The following DNAJC8 variants were observed in gnomAD, a reference collection of about 807,000 sequenced individuals.
DNAJC8 encodes dnaJ homolog subfamily C member 8.
In DNAJC8, 24 loss-of-function variants were observed where a neutral mutation model predicts 43.2. The ratio of observed to expected loss-of-function variants is 0.56; its 90% CI spans 0.40 to 0.78. The LOEUF (loss-of-function observed/expected upper bound fraction) is 0.78. Ranked by LOEUF, DNAJC8 falls within the 30% of genes least tolerant of loss-of-function variation. DNAJC8 has a pLI of 0.00. For missense variants in DNAJC8, 207 were observed against 299.4 expected (o/e 0.69, Z 2.28); for synonymous variants, 83 against 98.0 (o/e 0.85, Z 0.90).
Position 28,228,971 on chromosome 1 carries a change from T to C in DNAJC8, c.131A>G (p.Glu44Gly). The C allele has an allele frequency of 6.2e-7, 1 of 1,613,822 alleles. No homozygotes were observed. The highest frequency in any genetic ancestry group is 8.5e-7 in the Non-Finnish European group (1 of 1,179,984). The change falls in exon 2 of 9, where the codon GAA (glutamate) becomes GGA (glycine). Residue 44 changes from glutamate (E) to glycine (G), a missense_variant. This residue lies in a region of DNAJC8 where 159 missense variants were observed against 267.5 expected (regional missense o/e 0.59). Transcript: ENST00000263697. ...AGAGGAACCAGGACGGGTCAGTCTT[T>C]CAATCTGATTTTTCGAAGTTAGAAC... The part of the protein sequence containing the change: ...DSVLTSKNQI[E>G]RLTRPGSSYF...
At chr1:28,218,061 G>C (rs891031791) in intron 2 of DNAJC8, among the ~76,000 whole-genome samples, 3 of 151,398 alleles carry the variant, frequency 2.0e-5, no homozygotes, top group African/African-American at 7.3e-5. Flanking sequence ...TTTTATTAGA[G>C]GCTTTTTTCA....
chr1:28,200,756 G>T lies in DNAJC8; in HGVS notation c.*492C>A, dbSNP rs916802650. Reference sequence around the variant, plus strand: ...CAGGGCATCAGATGCTGCTCTGTGTGCTCACAAGTGTTCCCTGTCTTATCT... The same window carrying T: ...CAGGGCATCAGATGCTGCTCTGTGTTCTCACAAGTGTTCCCTGTCTTATCT... On this transcript the variant is annotated 3_prime_UTR_variant, in exon 9 of 9. Transcript: ENST00000263697. 2 of 443,082 alleles carry T rather than the reference G, an allele frequency of 4.5e-6. No individual in the cohort carries two copies. Among genetic ancestry groups the T allele is most frequent in the Non-Finnish European group, 9.0e-6 (2 of 221,408 alleles). 27.4% of individuals were successfully genotyped at this position (443,082 alleles called of 1,614,324 possible). A position where few individuals can be genotyped will look rare whatever the true frequency, so the allele number is the denominator to read the frequency against.
chr1:28,216,849 C>G (rs2149019397), intron 2 of DNAJC8, among the ~76,000 whole-genome samples: 1 of 145,006 alleles, frequency 6.9e-6, no homozygotes, highest in Non-Finnish European at 1.5e-5. Context: ...GCTCTTGTTG[C>G]CCAGGCTGGA....
intron 1 of DNAJC8, among the ~76,000 whole-genome samples, chr1:28,231,660 G>C (rs751145800): frequency 1.3e-5 from 2 of 151,886 alleles, no homozygotes; most frequent in African/African-American, 2.4e-5. Flanking sequence ...GGTTGCAGTG[G>C]GCCAAGATCG....
At chr1:28,225,800 T>G (rs970574825) in intron 2 of DNAJC8, among the ~76,000 whole-genome samples, 2 of 149,702 alleles carry the variant, frequency 1.3e-5, no homozygotes, top group Non-Finnish European at 3.0e-5. Flanking sequence ...CCTCCTGGGT[T>G]TAAGTGATTC....
intron 1 of DNAJC8, among the ~76,000 whole-genome samples, chr1:28,231,873 T>C (rs749417557): frequency 3.3e-5 from 5 of 151,510 alleles, no homozygotes; most frequent in Non-Finnish European, 5.9e-5. Flanking sequence ...GTTCACGCCA[T>C]TCTCCTGCCT....
At chr1:28,226,390 C>T (rs1234757239) in intron 2 of DNAJC8, among the ~76,000 whole-genome samples, 1 of 151,156 alleles carries the variant, frequency 6.6e-6, no homozygotes, top group Non-Finnish European at 1.5e-5. Flanking sequence ...GTAGTCCCAG[C>T]TACTCGGGAG....
rs771688424 is a variant in DNAJC8, at chr1:28,200,972, A to C, written c.*276T>G. 7 of 455,808 alleles carry C rather than the reference A, an allele frequency of 1.5e-5. No homozygotes were observed. The highest frequency in any genetic ancestry group is 2.8e-5 in the Non-Finnish European group (7 of 247,884). The allele number at this position is 455,808 out of a possible 1,614,324, so 28.2% of individuals were successfully genotyped here. ...TCAGTGAAGTACAAAACACTGAGTTACAGGCTGTGGGAAGAGAAGGCAGCA... is the reference window on the plus strand; with the variant it reads ...TCAGTGAAGTACAAAACACTGAGTTCCAGGCTGTGGGAAGAGAAGGCAGCA... On this transcript the variant is annotated 3_prime_UTR_variant, in exon 9 of 9. Transcript: ENST00000263697.
At chr1:28,229,238 T>A (rs1030442843) in intron 1 of DNAJC8, among the ~76,000 whole-genome samples, 2 of 152,198 alleles carry the variant, frequency 1.3e-5, no homozygotes, top group Non-Finnish European at 2.9e-5. Context: ...CAACCCTATG[T>A]GGTAGATACT....
chr1:28,232,906 T>C lies in DNAJC8; in HGVS notation c.78+15A>G. 2 of 1,612,286 alleles carry C rather than the reference T, an allele frequency of 1.2e-6. No homozygotes were observed. Among genetic ancestry groups the C allele is most frequent in the Non-Finnish European group, 1.7e-6 (2 of 1,179,864 alleles). ...GCGGTCGCCCCGGTGCCACTACTCC[T>C]CACTCTGTGTTCACCTCACTGTAGA... is the stretch of plus-strand genomic sequence containing the variant. On this transcript the variant is annotated intron_variant, in intron 1 of 8. Coordinates refer to ENST00000263697, the MANE Select transcript of DNAJC8 (RefSeq NM_014280.3).
chr1:28,222,262 G>C (rs2149022205), intron 2 of DNAJC8, among the ~76,000 whole-genome samples: 1 of 152,086 alleles, frequency 6.6e-6, no homozygotes, highest in East Asian at 1.9e-4. Flanking sequence ...GAGGCGGGTG[G>C]ATCACCTGAG....
intron 2 of DNAJC8, among the ~76,000 whole-genome samples, chr1:28,218,283 C>T (rs572032207): frequency 5.3e-5 from 8 of 151,774 alleles, no homozygotes; most frequent in East Asian, 3.9e-4. Flanking sequence ...TTAGTAGAGA[C>T]GGGGTTTCTC....
chr1:28,232,971 A>T lies in DNAJC8; in HGVS notation c.28T>A (p.Ser10Thr). ...TCCTCGGTGCTGCCTCCGCCGCCTG[A>T]AGTCCCGCTCTCTCCTGAAGCCGCC... MAASGESGT[S>T]GGGGSTEEAF... Residue 10 changes from serine to threonine, a missense_variant, in exon 1 of 9, where the codon TCA (serine) becomes ACA (threonine). Transcript: ENST00000263697. The T allele has an allele frequency of 6.2e-7, 1 of 1,612,956 alleles. No individual in the cohort carries two copies. The highest frequency in any genetic ancestry group is 1.1e-5 in the South Asian group (1 of 91,076).
rs1646991471 is a variant in DNAJC8 at position 28,232,970 on chromosome 1, G to A, written c.29C>T (p.Ser10Leu). The A allele has an allele frequency of 1.2e-6, 2 of 1,612,924 alleles. No homozygotes were observed. Among genetic ancestry groups the A allele is most frequent in the African/African-American group, 1.3e-5 (1 of 74,886 alleles). MAASGESGT[S>L]GGGGSTEEAF... Reference sequence around the variant, plus strand: ...TTCCTCGGTGCTGCCTCCGCCGCCTGAAGTCCCGCTCTCTCCTGAAGCCGC... The same window carrying A: ...TTCCTCGGTGCTGCCTCCGCCGCCTAAAGTCCCGCTCTCTCCTGAAGCCGC... Residue 10 changes from serine (S) to leucine (L), a missense_variant, in exon 1 of 9, where the codon TCA (serine) becomes TTA (leucine). Coordinates refer to ENST00000263697, the MANE Select transcript of DNAJC8 (RefSeq NM_014280.3).
intron 3 of DNAJC8, among the ~76,000 whole-genome samples, chr1:28,214,731 AAATTC>A: frequency 6.6e-6 from 1 of 152,232 alleles, no homozygotes; most frequent in African/African-American, 2.4e-5. Context: ...TTTGGATATA[AAATTC>A]ATTCTATTCA....
At chr1:28,203,677 C>G (rs1029603001) in intron 8 of DNAJC8, 70 bp downstream of exon 8, 1 of 1,488,796 alleles carries the variant, frequency 6.7e-7, no homozygotes, top group East Asian at 2.3e-5. Context: ...CCCACTCAGT[C>G]CTGGGAGCGC....
At chr1:28,219,247 G>A (rs374274097) in intron 2 of DNAJC8, among the ~76,000 whole-genome samples, 3 of 152,004 alleles carry the variant, frequency 2.0e-5, no homozygotes, top group African/African-American at 7.2e-5. Flanking sequence ...GGCGGCTCAC[G>A]CCTGTAATCC....
chr1:28,202,597 T>C (rs1195223929), intron 8 of DNAJC8, among the ~76,000 whole-genome samples: 9 of 135,836 alleles, frequency 6.6e-5, no homozygotes, highest in Non-Finnish European at 1.3e-4. Context: ...TCTTTTTTTT[T>C]TTTTTTTTGA....
chr1:28,225,268 A>T (rs1646926555), intron 2 of DNAJC8, among the ~76,000 whole-genome samples: 1 of 151,418 alleles, frequency 6.6e-6, no homozygotes, highest in Non-Finnish European at 1.5e-5. Flanking sequence ...ACATTAAAGT[A>T]TATCAGGGTG....
Sources: gnomAD v4.1 joint callset for allele counts (sites outside exome capture counted in the v4.1 genomes callset) on GRCh38, gnomAD v4.1.1 for gene constraint, gnomAD v4.1.1 regional missense constraint, MANE v1.5 for transcripts, NCBI Gene and HGNC (gene_info 2026-07-23, HGNC 2026-07-21) for gene names.